ANO5: variants seen among roughly 807,000 people sequenced by gnomAD.
The protein encoded by ANO5 is anoctamin-5.
Under a neutral mutation model 121.0 loss-of-function variants are expected in ANO5, and 109 were observed. The ratio of observed to expected loss-of-function variants is 0.90; its 90% confidence interval spans 0.77 to 1.06. ANO5 has a LOEUF of 1.06. Ranked by LOEUF, ANO5 falls within the 50% of genes least tolerant of loss-of-function variation. ANO5 has a pLI of 0.00. For missense variants in ANO5, 1,064 were observed against 1,078.5 expected (o/e 0.99, Z 0.19); for synonymous variants, 406 against 359.9 (o/e 1.13, Z -1.45).
At chr11:22,213,402 A>G (rs1158609721) in intron 3 of ANO5, among the ~76,000 whole-genome samples, 2 of 150,924 alleles carry the variant, frequency 1.3e-5, no homozygotes, top group African/African-American at 4.9e-5. Context: ...AGTACTGGTC[A>G]GGTATTTTGT....
chr11:22,259,019 T>A (rs1489159713), intron 14 of ANO5, among the ~76,000 whole-genome samples: 3 of 150,832 alleles, frequency 2.0e-5, no homozygotes, highest in Non-Finnish European at 4.4e-5. Flanking sequence ...TGTAGTCCCA[T>A]CTACTAAGGA....
intron 13 of ANO5, 76 bp downstream of exon 13, chr11:22,255,598 A>T: frequency 6.4e-7 from 1 of 1,553,140 alleles, no homozygotes; most frequent in South Asian, 1.1e-5. Context: ...ATATAATCAT[A>T]GTTTATTTTG....
In ANO5 at chr11:22,227,293, T is replaced by C; in HGVS notation, c.364-9T>C. The stretch of plus-strand genomic sequence containing the variant: ...AGCTTTCTGCTGTTTTGCCTTTTTT[T>C]TAATGCAGGACTCGGAAGATGGAAG... On this transcript the variant is annotated splice_polypyrimidine_tract_variant and intron_variant, in intron 6 of 21. Transcript: ENST00000324559. 3.1e-6 allele frequency: 5 copies of C among 1,613,218 alleles called. No individual in the cohort carries two copies. The highest frequency in any genetic ancestry group is 4.2e-6 in the Non-Finnish European group (5 of 1,179,598).
intron 17 of ANO5, among the ~76,000 whole-genome samples, chr11:22,268,711 T>C (rs991788228): frequency 6.6e-6 from 1 of 152,208 alleles, no homozygotes; most frequent in African/African-American, 2.4e-5. Flanking sequence ...TTCAGACTTT[T>C]CCCAAGTAAG....
rs1237809895 is a variant in ANO5 at position 22,274,883 on chromosome 11, C to G, written c.2414+136C>G. ...AAAATCCTGTATAAATAAAGTGTAT[C>G]CATTCTAGAATTCACACATTGCATG... On this transcript the variant is annotated intron_variant, in intron 20 of 21. Transcript: ENST00000324559. 5.9e-6 allele frequency: 7 copies of G among 1,191,912 alleles called. No homozygotes were observed. The East Asian group carries it at 1.5e-4, about 26-fold the overall frequency. 73.8% of individuals were successfully genotyped at this position (1,191,912 alleles called of 1,614,324 possible).
At chr11:22,264,009 G>A (rs1483604603) in intron 17 of ANO5, among the ~76,000 whole-genome samples, 3 of 144,126 alleles carry the variant, frequency 2.1e-5, no homozygotes, top group Non-Finnish European at 3.0e-5. Context: ...ACATCCATAA[G>A]GGAAATAGCC....
rs778435104 is a variant in ANO5 at position 22,218,568 on chromosome 11, TG to T, written c.180+282del. On this transcript the variant is annotated intron_variant, in intron 4 of 21. Transcript: ENST00000324559. Reference sequence around the variant, plus strand: ...TCATCAGGAATGCAGGGTTTTATTTTGTTTTGTTTTCACACAGAGTCTTACT... The same window carrying T: ...TCATCAGGAATGCAGGGTTTTATTTTTTTTGTTTTCACACAGAGTCTTACT... Among the ~76,000 whole-genome samples, 957 of 152,160 alleles carry T rather than the reference TG, an allele frequency of 6.3e-3. 3 individuals carry two copies. Among genetic ancestry groups the T allele is most frequent in the Non-Finnish European group, 0.011 (729 of 67,966 alleles).
intron 3 of ANO5, among the ~76,000 whole-genome samples, chr11:22,214,916 A>G (rs1852392331): frequency 6.6e-6 from 1 of 152,008 alleles, no homozygotes; most frequent in Non-Finnish European, 1.5e-5. Flanking sequence ...AATATTTAAT[A>G]ATGCAATTTA....
At chr11:22,224,796 A>G (rs1032928976) in intron 5 of ANO5, among the ~76,000 whole-genome samples, 17 of 152,124 alleles carry the variant, frequency 1.1e-4, no homozygotes, top group Non-Finnish European at 5.9e-5. Flanking sequence ...AAACGTGGCA[A>G]ATACATAAAA....
chr11:22,261,560 G>C (rs1564943214), intron 15 of ANO5: 1 of 154,952 alleles, frequency 6.5e-6, no homozygotes, highest in Non-Finnish European at 1.4e-5. Context: ...AGCTACTCGA[G>C]AGGATGACGC....
chr11:22,207,669 T>C (rs1480550887), intron 2 of ANO5, among the ~76,000 whole-genome samples: 1 of 152,100 alleles, frequency 6.6e-6, no homozygotes, highest in Admixed American at 6.6e-5. Flanking sequence ...ATGAAAAGCA[T>C]TGATAAATTG....
At chr11:22,241,960 C>T (rs1853447165) in intron 9 of ANO5, among the ~76,000 whole-genome samples, 1 of 152,010 alleles carries the variant, frequency 6.6e-6, no homozygotes, top group Non-Finnish European at 1.5e-5. Flanking sequence ...AAATTATTTA[C>T]CCAGGCCGAT....
intron 17 of ANO5, among the ~76,000 whole-genome samples, chr11:22,266,974 A>C (rs1199716576): frequency 6.6e-6 from 1 of 152,218 alleles, no homozygotes; most frequent in Non-Finnish European, 1.5e-5. Flanking sequence ...TTAGATGAAC[A>C]AAATTACATA....
intron 1 of ANO5, among the ~76,000 whole-genome samples, chr11:22,200,863 C>G (rs904311519): frequency 1.3e-5 from 2 of 151,964 alleles, no homozygotes; most frequent in Admixed American, 1.3e-4. Flanking sequence ...GAATTATCAC[C>G]TAGAAGGAGA....
At chr11:22,259,020 C>T (rs1032733089) in intron 14 of ANO5, among the ~76,000 whole-genome samples, 1 of 151,468 alleles carries the variant, frequency 6.6e-6, no homozygotes, top group Non-Finnish European at 1.5e-5. Flanking sequence ...GTAGTCCCAT[C>T]TACTAAGGAG....
chr11:22,199,402 T>C (rs1413913299), intron 1 of ANO5, among the ~76,000 whole-genome samples: 3 of 152,126 alleles, frequency 2.0e-5, no homozygotes, highest in Non-Finnish European at 4.4e-5. Flanking sequence ...CTAGGAAATG[T>C]TTTGTTTGCT....
intron 3 of ANO5, among the ~76,000 whole-genome samples, chr11:22,211,523 G>A (rs545357625): frequency 1.1e-4 from 16 of 152,040 alleles, no homozygotes; most frequent in Middle Eastern, 3.4e-3. Flanking sequence ...GACGCACTGA[G>A]TATAACACTT....
At chr11:22,250,204 A>G (rs1853758264) in intron 9 of ANO5, 33 bp from the exon 10 acceptor site, 1 of 1,541,566 alleles carries the variant, frequency 6.5e-7, no homozygotes. Flanking sequence ...ACATTCTTCC[A>G]TATTCTGATT....
chr11:22,255,629 G>T, intron 13 of ANO5, 107 bp downstream of exon 13: 1 of 1,299,368 alleles, frequency 7.7e-7, no homozygotes, highest in Non-Finnish European at 1.1e-6. Flanking sequence ...ATTCTGCAAC[G>T]TATAAATCAC....
Sources: allele counts gnomAD v4.1 joint callset (sites outside exome capture counted in the v4.1 genomes callset), GRCh38; gene constraint gnomAD v4.1.1; transcripts MANE v1.5; gene names NCBI Gene and HGNC (gene_info 2026-07-23, HGNC 2026-07-21).